MGST1: variants seen among roughly 807,000 people sequenced by gnomAD.
MGST1 encodes microsomal glutathione S-transferase 1, also known as glutathione S-transferase 12.
MGST1 carries 5 observed loss-of-function variants against 8.9 expected under a neutral mutation model. The ratio of observed to expected loss-of-function variants is 0.56; its 90% CI spans 0.29 to 1.19. The LOEUF (loss-of-function observed/expected upper bound fraction) is 1.19. MGST1 is among the 50% of genes most tolerant of loss of function. The pLI, the probability that MGST1 is intolerant of heterozygous loss-of-function variation, is 0.08. For missense variants in MGST1, 182 were observed against 187.4 expected (o/e 0.97, Z 0.17); for synonymous variants, 54 against 67.8 (o/e 0.80, Z 1.00).
chr12:16,445,928 CTTGGTCT>C (rs1355421636), intron 4 of MGST1, among the ~76,000 whole-genome samples: 2 of 151,934 alleles, frequency 1.3e-5, no homozygotes, highest in Non-Finnish European at 2.9e-5. Flanking sequence ...GATCTTTCTA[CTTGGTCT>C]TTCCTGAGAT....
Position 16,364,228 on chromosome 12 carries a change from A to G in MGST1, c.*187A>G, listed in dbSNP as rs1940137602. 1 of 1,282,706 alleles carries G rather than the reference A, an allele frequency of 7.8e-7. No individual in the cohort carries two copies. The highest frequency in any genetic ancestry group is 9.9e-7 in the Non-Finnish European group (1 of 1,014,162). 79.5% of individuals were successfully genotyped at this position (1,282,706 alleles called of 1,614,324 possible). A position where few individuals can be genotyped will look rare whatever the true frequency, so the allele number is the denominator to read the frequency against. On this transcript the variant is annotated 3_prime_UTR_variant, in exon 4 of 4. Transcript: ENST00000396210. This position sits in a 1 kb window ranked among gnomAD's most constrained non-coding sequence, Gnocchi z 5.7. ...GTTTTACATTTGGATTAGAAATTTA[A>G]CATAGTAATTCTTAAGTCTTTTGTC...
intron 1 of MGST1, among the ~76,000 whole-genome samples, chr12:16,408,116 G>A (rs900713635): frequency 2.7e-5 from 4 of 147,414 alleles, no homozygotes; most frequent in African/African-American, 1.0e-4. Flanking sequence ...TACAGGAACA[G>A]AAAACCAAAT....
chr12:16,512,684 T>C (rs962406855), intron 4 of MGST1, among the ~76,000 whole-genome samples: 16 of 152,170 alleles, frequency 1.1e-4, no homozygotes, highest in African/African-American at 3.9e-4. Context: ...TCCCCTAATA[T>C]GGACTGGGAT....
chr12:16,484,397 G>GT (rs1174793057), intron 4 of MGST1, among the ~76,000 whole-genome samples: 1 of 150,916 alleles, frequency 6.6e-6, no homozygotes, highest in African/African-American at 2.4e-5. Context: ...TAAAGAATCT[G>GT]TTTTTTGTTT....
At chr12:16,481,421 T>C (rs1307931202) in intron 4 of MGST1, among the ~76,000 whole-genome samples, 1 of 152,214 alleles carries the variant, frequency 6.6e-6, no homozygotes, top group African/African-American at 2.4e-5. Flanking sequence ...TCTGTTGGAA[T>C]TGTCAAATAT....
rs1466021923 is a variant in MGST1, at chr12:16,569,636, T to C, written n.483-19892T>C. On this transcript the variant is annotated intron_variant and non_coding_transcript_variant, in intron 4 of 4. Coordinates refer to the MGST1 transcript ENST00000538857. ...TGAGAAAAATATTTCCAGGCAAATATGGCAATTGTACCAACATTTCATAGA... is the reference window on the plus strand; with the variant it reads ...TGAGAAAAATATTTCCAGGCAAATACGGCAATTGTACCAACATTTCATAGA... Among the ~76,000 whole-genome samples the C allele has an allele frequency of 3.3e-5, 5 of 152,188 alleles. No homozygotes were observed. In the East Asian group the frequency reaches 9.6e-4, roughly 29 times the overall value.
chr12:16,377,454 T>C (rs1940400319), downstream of MGST1, among the ~76,000 whole-genome samples: 1 of 151,992 alleles, frequency 6.6e-6, no homozygotes, highest in Non-Finnish European at 1.5e-5. Flanking sequence ...GTTTCATCCA[T>C]GTCCCTACAA....
At chr12:16,417,410 G>A (rs1251840486) in intron 1 of MGST1, among the ~76,000 whole-genome samples, 1 of 152,110 alleles carries the variant, frequency 6.6e-6, no homozygotes, top group Non-Finnish European at 1.5e-5. Context: ...ATTTGGATTT[G>A]AATTGTAATT....
intron 4 of MGST1, among the ~76,000 whole-genome samples, chr12:16,472,562 A>G (rs961428972): frequency 1.3e-5 from 2 of 152,038 alleles, no homozygotes; most frequent in Admixed American, 1.3e-4. Flanking sequence ...GTATCACATG[A>G]CATTTCCAGC....
chr12:16,493,047 T>C (rs1383439442), intron 4 of MGST1, among the ~76,000 whole-genome samples: 3 of 152,160 alleles, frequency 2.0e-5, no homozygotes, highest in Non-Finnish European at 4.4e-5. Flanking sequence ...CTAAGGCCAA[T>C]CAGAGCTCTC....
rs772937824 is a variant in MGST1 at position 16,458,783 on chromosome 12, G to A, written n.482+75179G>A. 5.9e-5 allele frequency among the ~76,000 whole-genome samples: 9 copies of A among 151,924 alleles called. No homozygotes were observed. The highest frequency in any genetic ancestry group is 1.2e-4 in the Non-Finnish European group (8 of 67,944). On this transcript the variant is annotated intron_variant and non_coding_transcript_variant, in intron 4 of 4. Coordinates refer to the MGST1 transcript ENST00000538857. This position sits in a 1 kb window ranked among gnomAD's most constrained non-coding sequence, Gnocchi z 4.0. Reference sequence around the variant, plus strand: ...CTGCTGCAGTGCTTTGCAGTTATTCGGAATTTTTATTCTTCTTTATTAGAT... The same window carrying A: ...CTGCTGCAGTGCTTTGCAGTTATTCAGAATTTTTATTCTTCTTTATTAGAT...
intron 4 of MGST1, among the ~76,000 whole-genome samples, chr12:16,528,855 G>C (rs1941705186): frequency 6.6e-6 from 1 of 152,018 alleles, no homozygotes; most frequent in South Asian, 2.1e-4. Flanking sequence ...CTGGCTAGAA[G>C]GGTGAATGCC....
intron 4 of MGST1, among the ~76,000 whole-genome samples, chr12:16,469,969 A>G (rs1483326183): frequency 6.6e-6 from 1 of 152,194 alleles, no homozygotes. Flanking sequence ...GTTTATATAT[A>G]CGGCAAAAGA....
At chr12:16,385,204 G>T (rs1166001606) in intron 1 of MGST1, among the ~76,000 whole-genome samples, 1 of 152,168 alleles carries the variant, frequency 6.6e-6, no homozygotes, top group Non-Finnish European at 1.5e-5. Flanking sequence ...AGTTCTTATT[G>T]TGCCCAAATT....
intron 4 of MGST1, among the ~76,000 whole-genome samples, chr12:16,445,642 G>A (rs1278424694): frequency 2.0e-5 from 3 of 151,858 alleles, no homozygotes; most frequent in African/African-American, 4.8e-5. Context: ...GAATTCATTC[G>A]CTATATCAAT....
At chr12:16,494,361 G>C (rs896723841) in intron 4 of MGST1, among the ~76,000 whole-genome samples, 2 of 151,992 alleles carry the variant, frequency 1.3e-5, no homozygotes, top group African/African-American at 4.8e-5. Flanking sequence ...TTTATGCTTT[G>C]AAACATATCT....
intron 4 of MGST1, among the ~76,000 whole-genome samples, chr12:16,568,896 C>T (rs994380320): frequency 6.6e-6 from 1 of 152,104 alleles, no homozygotes; most frequent in Admixed American, 6.5e-5. Context: ...AGAAATCTCT[C>T]TTATAATGTT....
At chr12:16,485,392 T>G (rs1483452589) in intron 4 of MGST1, among the ~76,000 whole-genome samples, 2 of 152,230 alleles carry the variant, frequency 1.3e-5, no homozygotes, top group African/African-American at 4.8e-5. Flanking sequence ...CTGCTTGAGC[T>G]AGTCACTTTA....
chr12:16,426,567 C>T (rs560814639), intron 1 of MGST1, among the ~76,000 whole-genome samples: 13 of 152,152 alleles, frequency 8.5e-5, no homozygotes, highest in Non-Finnish European at 1.8e-4. Flanking sequence ...TGTGTGACTT[C>T]TTGATAGTGT....
Sources: allele counts gnomAD v4.1 joint callset (sites outside exome capture counted in the v4.1 genomes callset), GRCh38; gene constraint gnomAD v4.1.1; non-coding constraint Gnocchi (gnomAD v3.1); transcripts MANE v1.5; gene names NCBI Gene and HGNC (gene_info 2026-07-23, HGNC 2026-07-21).